The following PPIP5K1 variants were observed in gnomAD, a reference collection of about 807,000 sequenced individuals.
PPIP5K1 encodes inositol hexakisphosphate and diphosphoinositol-pentakisphosphate kinase 1.
A neutral mutation model predicts 27.7 loss-of-function variants in PPIP5K1; 6 were observed. The observed-to-expected ratio is 0.22, with a 90% CI of 0.12 to 0.43. The LOEUF is 0.43. PPIP5K1 is among the 20% of genes least tolerant of loss of function. The pLI is 1.00. For synonymous variants in PPIP5K1, 145 were observed against 242.6 expected, an observed-to-expected ratio of 0.60 and a Z score of 3.74; for missense variants, 394 against 635.4, an observed-to-expected ratio of 0.62 and a Z score of 4.08.
chr15:43,554,284 G>A (rs2082632284), intron 30 of PPIP5K1, among the ~76,000 whole-genome samples: 1 of 151,984 alleles, frequency 6.6e-6, no homozygotes, highest in Non-Finnish European at 1.5e-5. Context: ...CCAATAAATT[G>A]ACCTCATTAT....
chr15:43,546,210 T>C (rs1400726026), intron 30 of PPIP5K1, among the ~76,000 whole-genome samples: 1 of 152,248 alleles, frequency 6.6e-6, no homozygotes. Context: ...TTAATATGTA[T>C]CGGTACTTCA....
intron 30 of PPIP5K1, among the ~76,000 whole-genome samples, chr15:43,556,678 TTG>T (rs1465663019): frequency 6.6e-6 from 1 of 152,200 alleles, no homozygotes; most frequent in Non-Finnish European, 1.5e-5. Context: ...TGTAGGCACT[TTG>T]TGTCAATCCT....
At chr15:43,559,919 T>G (rs1163481435) in intron 29 of PPIP5K1, among the ~76,000 whole-genome samples, 4 of 151,614 alleles carry the variant, frequency 2.6e-5, no homozygotes, top group South Asian at 2.1e-4. Context: ...TGTTCACCAG[T>G]GACTAAAGCC....
chr15:43,553,879 T>G (rs558939356), intron 30 of PPIP5K1, among the ~76,000 whole-genome samples: 2 of 152,152 alleles, frequency 1.3e-5, no homozygotes, highest in East Asian at 3.9e-4. Context: ...TCTCCTGACC[T>G]TGTGATCCAC....
intron 30 of PPIP5K1, among the ~76,000 whole-genome samples, chr15:43,551,965 T>G (rs2082262441): frequency 6.9e-6 from 1 of 144,268 alleles, no homozygotes; most frequent in Non-Finnish European, 1.5e-5. Flanking sequence ...TAAATTAGAT[T>G]ATTGATTTCA....
intron 30 of PPIP5K1, among the ~76,000 whole-genome samples, chr15:43,556,181 G>A (rs890918262): frequency 7.2e-5 from 11 of 151,986 alleles, no homozygotes; most frequent in Non-Finnish European, 7.4e-5. Flanking sequence ...TTAGCTGTGC[G>A]TGGTGGTGCG....
intron 30 of PPIP5K1, among the ~76,000 whole-genome samples, chr15:43,553,150 T>C (rs1330805876): frequency 1.3e-5 from 2 of 152,260 alleles, no homozygotes; most frequent in Non-Finnish European, 2.9e-5. Context: ...AGAAGGTCTT[T>C]TGTATGACTT....
chr15:43,543,188 T>C (rs557064076), intron 30 of PPIP5K1, among the ~76,000 whole-genome samples: 8 of 147,540 alleles, frequency 5.4e-5, no homozygotes, highest in Admixed American at 2.1e-4. Flanking sequence ...CATAAACAGA[T>C]ATATGATATA....
intron 30 of PPIP5K1, among the ~76,000 whole-genome samples, chr15:43,542,665 T>TGTGTG (rs1277601517): frequency 7.3e-6 from 1 of 137,544 alleles, no homozygotes; most frequent in Non-Finnish European, 1.5e-5. Flanking sequence ...TGTGTGTGTG[T>TGTGTG]GTGTGTGTGT....
At chr15:43,535,836 C>T (rs769983991) in intron 31 of PPIP5K1, among the ~76,000 whole-genome samples, 1 of 152,180 alleles carries the variant, frequency 6.6e-6, no homozygotes, top group African/African-American at 2.4e-5. Context: ...GGTTCATAAA[C>T]AAAATCATGA....
intron 30 of PPIP5K1, among the ~76,000 whole-genome samples, chr15:43,552,118 T>C (rs546889105): frequency 7.2e-5 from 11 of 152,164 alleles, no homozygotes; most frequent in Non-Finnish European, 1.5e-4. Context: ...CGCACTTGGC[T>C]AATTTTAAAG....
intron 30 of PPIP5K1, among the ~76,000 whole-genome samples, chr15:43,552,726 T>A (rs537658761): frequency 1.0e-3 from 157 of 149,878 alleles, no homozygotes; most frequent in Non-Finnish European, 1.9e-3. Context: ...AAAAAGTATG[T>A]TGTTTCACCC....
chr15:43,535,216 C>T lies in PPIP5K1; in HGVS notation c.3931G>A (p.Val1311Ile), dbSNP rs2079673893. The T allele has an allele frequency of 1.2e-6, 2 of 1,614,006 alleles. No homozygotes were observed. The highest frequency in any genetic ancestry group is 8.5e-7 in the Non-Finnish European group (1 of 1,180,018). The part of the protein sequence containing the change: ...PMETSQPYEE[V>I]SQPCQEVPDI... ...GGGACCTCCTGACATGGCTGGCTGA[C>T]CTCCTCGTATGGCTGGCTGGTTTCC... The change falls in exon 32 of 32, where the codon GTC becomes ATC. Residue 1311 changes from valine to isoleucine, a missense_variant. Val to Ile is a conservative substitution (Grantham distance 29, BLOSUM62 3). Around this residue, in one of 4 missense-constraint regions of PPIP5K1, gnomAD observed 379 missense variants for 423.9 expected, o/e 0.89. Transcript: ENST00000420765.
chr15:43,573,142 GGAGTACCT>G lies in PPIP5K1; in HGVS notation c.2451-2_2456del, dbSNP rs1414787570. ...GGCGACCTGGGGAGAGCACGCCTCG[GGAGTACCT>G]GAGATAACAGCTAAATCACTCACAC... On this transcript the variant is annotated splice_acceptor_variant and coding_sequence_variant, in exon 22 of 32. Transcript: ENST00000420765. LOFTEE classifies it high-confidence loss of function. 3.9e-5 allele frequency: 4 copies of G among 101,850 alleles called. No homozygotes were observed. Among genetic ancestry groups the G allele is most frequent in the Non-Finnish European group, 6.8e-5 (4 of 59,062 alleles). 6.3% of individuals were successfully genotyped at this position (101,850 alleles called of 1,614,324 possible). A position where few individuals can be genotyped will look rare whatever the true frequency, so the allele number is the denominator to read the frequency against.
rs551026490 is a variant in PPIP5K1, at chr15:43,543,444, CA to C, written c.3557-3862del. 2.4e-3 allele frequency among the ~76,000 whole-genome samples: 342 copies of C among 144,730 alleles called. 3 individuals are homozygous for C. Among genetic ancestry groups the C allele is most frequent in the South Asian group, 0.016 (71 of 4,552 alleles). 94.9% of individuals were successfully genotyped at this position (144,730 alleles called of 152,430 possible). ...CAAACAAACAAACAAACAAACAAAA[CA>C]AAAAAAAAACTCCTGGGATGGAGAG... On this transcript the variant is annotated intron_variant, in intron 30 of 31. Coordinates refer to ENST00000420765, the MANE Select transcript of PPIP5K1 (RefSeq NM_001394395.1).
intron 29 of PPIP5K1, 103 bp downstream of exon 29, chr15:43,560,310 T>C (rs985694464): frequency 7.7e-6 from 8 of 1,040,648 alleles, no homozygotes; most frequent in South Asian, 5.4e-5. Flanking sequence ...TTAGGGCAAA[T>C]AGGAGAAAGA....
chr15:43,579,667 T>TA (rs1441056527), intron 10 of PPIP5K1, among the ~76,000 whole-genome samples: 1 of 49,584 alleles, frequency 2.0e-5, no homozygotes. Context: ...TTTTTTTTTT[T>TA]TTTTTTTTTT....
At chr15:43,551,642 G>T (rs1193811150) in intron 30 of PPIP5K1, among the ~76,000 whole-genome samples, 1 of 102,718 alleles carries the variant, frequency 9.7e-6, no homozygotes, top group Non-Finnish European at 1.7e-5. Context: ...TCGCTCTGTC[G>T]CCCAGGCTGG....
chr15:43,546,477 T>C (rs1341424374), intron 30 of PPIP5K1, among the ~76,000 whole-genome samples: 1 of 151,984 alleles, frequency 6.6e-6, no homozygotes, highest in African/African-American at 2.4e-5. Context: ...TTTTATTTCC[T>C]ATTTTGTAGA....
Sources: allele counts gnomAD v4.1 joint callset (sites outside exome capture counted in the v4.1 genomes callset), GRCh38; gene constraint gnomAD v4.1.1; regional missense constraint gnomAD v4.1.1; transcripts MANE v1.5; gene names NCBI Gene and HGNC (gene_info 2026-07-23, HGNC 2026-07-21).